The following COL20A1 variants were observed in gnomAD, a reference collection of about 807,000 sequenced individuals.
COL20A1 encodes the protein collagen alpha-1(XX) chain.
In COL20A1, 164 loss-of-function variants were observed where a neutral mutation model predicts 152.9. The ratio of observed to expected loss-of-function variants is 1.07; its 90% CI spans 0.94 to 1.22. The LOEUF (loss-of-function observed/expected upper bound fraction) is 1.22. Ranked by LOEUF, COL20A1 falls within the 50% of genes most tolerant of loss-of-function variation. The pLI is 0.00. For synonymous variants in COL20A1, 864 were observed against 756.0 expected (o/e 1.14, Z -2.34); for missense variants, 1,873 against 1,744.8 (o/e 1.07, Z -1.31).
chr20:63,308,655 C>T lies in COL20A1; in HGVS notation c.889C>T (p.His297Tyr). The change falls in exon 8 of 36, where the codon CAC becomes TAC. Residue 297 changes from histidine (H) to tyrosine (Y), a missense_variant. Transcript: ENST00000358894. The part of the protein sequence containing the change: ...VTDGKSQDDV[H>Y]TAARVLKDLG... Reference sequence around the variant, plus strand: ...GGACGGCAAGTCCCAGGACGATGTGCACACTGCTGCCCGTGTCCTCAAGGA... The same window carrying T: ...GGACGGCAAGTCCCAGGACGATGTGTACACTGCTGCCCGTGTCCTCAAGGA... 6.2e-7 allele frequency: 1 copy of T among 1,607,842 alleles called. No individual in the cohort carries two copies. The highest frequency in any genetic ancestry group is 8.5e-7 in the Non-Finnish European group (1 of 1,177,680).
intron 34 of COL20A1, chr20:63,329,312 G>A: frequency 1.8e-6 from 1 of 545,482 alleles, no homozygotes; most frequent in Non-Finnish European, 3.3e-6. Context: ...GCACCCACCT[G>A]TCTAGATGAG....
intron 29 of COL20A1, 88 bp from the exon 30 acceptor site, chr20:63,326,008 G>A (rs1483232756): frequency 3.4e-6 from 4 of 1,182,938 alleles, no homozygotes; most frequent in Admixed American, 3.4e-5. Flanking sequence ...GTTACAGGGT[G>A]TGTTGGGTGC....
Position 63,319,474 on chromosome 20 carries a change from C to T in COL20A1, c.2807-13C>T, listed in dbSNP as rs758458171. 11 of 1,549,570 alleles carry T rather than the reference C, an allele frequency of 7.1e-6. No homozygotes were observed. The East Asian group carries it at 2.4e-4, about 34-fold the overall frequency. ...GCAGCCCGTTCTCACCTGCTCCACC[C>T]CTTCCCTGGCAGCCGGGAAGAAGTC... On this transcript the variant is annotated splice_polypyrimidine_tract_variant and intron_variant, in intron 22 of 35. Transcript: ENST00000358894. The surrounding 1 kb of genome is among the most constrained non-coding windows in gnomAD (Gnocchi z 4.4).
At chr20:63,300,530 T>G (rs1222496399) in intron 3 of COL20A1, among the ~76,000 whole-genome samples, 2 of 152,184 alleles carry the variant, frequency 1.3e-5, no homozygotes, top group Non-Finnish European at 2.9e-5. Context: ...ATAGACTCTA[T>G]AGTTATAGCA....
Position 63,312,954 on chromosome 20 carries a change from T to A in COL20A1, c.2076+20T>A. ...CACGAGGTGGGCAGGGGTGGGTTTG[T>A]CCTTCCGAGGGGCCCCCCGTGGGCC... On this transcript the variant is annotated intron_variant, in intron 16 of 35. Coordinates refer to ENST00000358894, the MANE Select transcript of COL20A1 (RefSeq NM_020882.4). The A allele has an allele frequency of 3.3e-6, 5 of 1,536,018 alleles. No individual in the cohort carries two copies. Among genetic ancestry groups the A allele is most frequent in the Non-Finnish European group, 4.4e-6 (5 of 1,135,998 alleles).
Position 63,307,968 on chromosome 20 carries a change from C to T in COL20A1, c.656-3C>T. 1 of 1,612,250 alleles carries T rather than the reference C, an allele frequency of 6.2e-7. No individual in the cohort carries two copies. Among genetic ancestry groups the T allele is most frequent in the African/African-American group, 1.3e-5 (1 of 75,048 alleles). ...AGCCCGTGGCCATGCCCCTGCTCCCCAGGCCTGACTCAGTACAGCGGGGAT... is the reference window on the plus strand; with the variant it reads ...AGCCCGTGGCCATGCCCCTGCTCCCTAGGCCTGACTCAGTACAGCGGGGAT... On this transcript the variant is annotated splice_region_variant and splice_polypyrimidine_tract_variant and intron_variant, in intron 6 of 35. Transcript: ENST00000358894.
chr20:63,295,645 C>T (rs555947783), intron 2 of COL20A1, among the ~76,000 whole-genome samples: 18 of 152,350 alleles, frequency 1.2e-4, no homozygotes, highest in Middle Eastern at 3.4e-3. Context: ...GACAGCACCA[C>T]GTCCTCAGAA....
chr20:63,327,634 G>A (rs2068271242), intron 31 of COL20A1: 2 of 410,986 alleles, frequency 4.9e-6, no homozygotes, highest in Middle Eastern at 7.2e-4. Flanking sequence ...GCCCGGGAGG[G>A]GTCTGTTCTC....
intron 19 of COL20A1, 105 bp from the exon 20 acceptor site, chr20:63,315,299 G>A: frequency 8.8e-7 from 1 of 1,133,564 alleles, no homozygotes; most frequent in South Asian, 1.3e-5. Flanking sequence ...TACAGATGGA[G>A]CACAGGCTGG....
rs760729468 is a variant in COL20A1 at position 63,328,313 on chromosome 20, C to T, written c.3614-18C>T. On this transcript the variant is annotated intron_variant, in intron 33 of 35. Transcript: ENST00000358894. ...CCGGGTCCCCACTGTGTCCTGCTGA[C>T]ACCCCTCCTCCCCACAGCACACGTG... 1.2e-6 allele frequency: 2 copies of T among 1,602,010 alleles called. No homozygotes were observed. The highest frequency in any genetic ancestry group is 1.7e-6 in the Non-Finnish European group (2 of 1,173,334).
intron 1 of COL20A1, 58 bp from the exon 2 acceptor site, chr20:63,295,040 G>A (rs1377446142): frequency 1.2e-5 from 14 of 1,137,238 alleles, no homozygotes; most frequent in Non-Finnish European, 1.6e-5. Flanking sequence ...TGGCGTTGTG[G>A]TCAGGGAGAG....
rs1213808575 is a variant in COL20A1 at position 63,328,001 on chromosome 20, A to T, written c.3564+14A>T. 6.2e-7 allele frequency: 1 copy of T among 1,610,896 alleles called. No homozygotes were observed. Among genetic ancestry groups the T allele is most frequent in the Non-Finnish European group, 8.5e-7 (1 of 1,178,640 alleles). On this transcript the variant is annotated intron_variant, in intron 32 of 35. Transcript: ENST00000358894. ...CGAGGAGAGAAGGTAAGTGAGGCTG[A>T]GATCTTTGGCTCACTTGGGATCTCC...
In COL20A1 at chr20:63,305,182, A is replaced by G. The variant is rs2067907658; in HGVS notation, c.194-235A>G. ...ACCTCACCATGCGGCGGATTCCTCT[A>G]GGGGGGTTTAGTAAGTGACATCTTC... On this transcript the variant is annotated intron_variant, in intron 3 of 35. Coordinates refer to ENST00000358894, the MANE Select transcript of COL20A1 (RefSeq NM_020882.4). This position sits in a 1 kb window ranked among gnomAD's most constrained non-coding sequence, Gnocchi z 4.9. Among the ~76,000 whole-genome samples the G allele has an allele frequency of 3.9e-5, 6 of 151,962 alleles. No individual in the cohort carries two copies. The highest frequency in any genetic ancestry group is 3.3e-4 in the Admixed American group (5 of 15,272).
chr20:63,331,699 A>G lies in COL20A1; in HGVS notation c.*983A>G, dbSNP rs2068335847. 6.6e-6 allele frequency: 1 copy of G among 152,230 alleles called. No homozygotes were observed. The highest frequency in any genetic ancestry group is 1.5e-5 in the Non-Finnish European group (1 of 68,050). The allele number at this position is 152,230 out of a possible 1,614,324, so 9.4% of individuals were successfully genotyped here. On this transcript the variant is annotated 3_prime_UTR_variant, in exon 36 of 36. Transcript: ENST00000358894. ...CTTCCTTTCCAAACAAATATTCAGTAACTAGTCCACTGTTACCACTTAGGC... is the reference window on the plus strand; with the variant it reads ...CTTCCTTTCCAAACAAATATTCAGTGACTAGTCCACTGTTACCACTTAGGC...
At chr20:63,325,875 C>T (rs1383922450) in intron 29 of COL20A1, among the ~76,000 whole-genome samples, 154 bp downstream of exon 29, 3 of 152,050 alleles carry the variant, frequency 2.0e-5, no homozygotes, top group East Asian at 3.9e-4. Context: ...CAGCCTGTGG[C>T]CTGGCCAGAA....
chr20:63,301,310 G>A (rs371532957), intron 3 of COL20A1, among the ~76,000 whole-genome samples: 20 of 152,024 alleles, frequency 1.3e-4, no homozygotes, highest in South Asian at 4.1e-4. Flanking sequence ...GCAAGACTCC[G>A]TCTCAAAAAA....
At chr20:63,294,287 G>A (rs1410663432) in intron 1 of COL20A1, among the ~76,000 whole-genome samples, 2 of 150,918 alleles carry the variant, frequency 1.3e-5, no homozygotes, top group Admixed American at 6.6e-5. Flanking sequence ...GGCAGGTGGA[G>A]GACTCGGGCC....
At chr20:63,310,560 A>G in intron 11 of COL20A1, 50 bp downstream of exon 11, 1 of 1,528,038 alleles carries the variant, frequency 6.5e-7, no homozygotes, top group Non-Finnish European at 8.8e-7. Flanking sequence ...GGCCCCACTC[A>G]CGGCTGTCCC....
intron 31 of COL20A1, chr20:63,327,426 T>A: frequency 5.8e-6 from 1 of 172,796 alleles, no homozygotes; most frequent in Non-Finnish European, 1.2e-5. Context: ...GGGGAGGTGG[T>A]GGGGCGGCAG....
Sources: gnomAD v4.1 joint callset for allele counts (sites outside exome capture counted in the v4.1 genomes callset) on GRCh38, gnomAD v4.1.1 for gene constraint, Gnocchi (gnomAD v3.1) non-coding constraint, MANE v1.5 for transcripts, NCBI Gene and HGNC (gene_info 2026-07-23, HGNC 2026-07-21) for gene names.